The following RASA2 variants were observed in gnomAD, a reference collection of about 807,000 sequenced individuals.
The protein encoded by RASA2 is RAS p21 protein activator 2.
RASA2 carries 155 observed loss-of-function variants against 118.2 expected under a neutral mutation model. The ratio of observed to expected loss-of-function variants is 1.31; its 90% CI spans 1.15 to 1.50. The LOEUF is 1.50. RASA2 is among the 40% of genes most tolerant of loss of function. The probability of loss-of-function intolerance (pLI) is 0.00; values close to 1 mark genes in which losing one functional copy is unlikely to be tolerated. For synonymous variants in RASA2, 353 were observed against 349.1 expected (o/e 1.01, Z -0.12); for missense variants, 1,016 against 1,009.6 (o/e 1.01, Z -0.09).
chr3:141,555,717 C>A, intron 6 of RASA2, 123 bp from the exon 7 acceptor site: 1 of 733,026 alleles, frequency 1.4e-6, no homozygotes, highest in Non-Finnish European at 2.2e-6. Context: ...ATATTTAAAA[C>A]TGAATCTTCC....
intron 3 of RASA2, among the ~76,000 whole-genome samples, chr3:141,518,581 C>G (rs902668356): frequency 6.7e-6 from 1 of 148,680 alleles, no homozygotes; most frequent in African/African-American, 2.5e-5. Flanking sequence ...ATATTGAACT[C>G]CTTAACAAAT....
At chr3:141,577,472 T>C (rs1015560815) in intron 15 of RASA2, among the ~76,000 whole-genome samples, 5 of 152,186 alleles carry the variant, frequency 3.3e-5, no homozygotes, top group Non-Finnish European at 7.4e-5. Flanking sequence ...CAAAATCTAC[T>C]TTCCTGATTT....
intron 17 of RASA2, 75 bp from the exon 18 acceptor site, chr3:141,585,950 G>A: frequency 8.9e-7 from 1 of 1,127,654 alleles, no homozygotes; most frequent in Non-Finnish European, 1.3e-6. Flanking sequence ...TATAATTAAT[G>A]ACATGTAAGA....
intron 4 of RASA2, among the ~76,000 whole-genome samples, chr3:141,535,636 G>C (rs1223333376): frequency 1.3e-5 from 2 of 152,166 alleles, no homozygotes; most frequent in Non-Finnish European, 2.9e-5. Context: ...CTTCTGGTGA[G>C]TGCTTCAGGA....
At chr3:141,591,785 A>G (rs1365924199) in intron 19 of RASA2, among the ~76,000 whole-genome samples, 1 of 150,642 alleles carries the variant, frequency 6.6e-6, no homozygotes, top group East Asian at 1.9e-4. Context: ...TGGACATTGT[A>G]AAAGAAATGT....
chr3:141,545,387 C>T (rs150837644), intron 5 of RASA2, among the ~76,000 whole-genome samples: 2 of 151,228 alleles, frequency 1.3e-5, no homozygotes, highest in Non-Finnish European at 2.9e-5. Context: ...CCAATCATAA[C>T]AAACACCAAG....
At chr3:141,505,475 T>C (rs1441652527) in intron 1 of RASA2, among the ~76,000 whole-genome samples, 1 of 152,132 alleles carries the variant, frequency 6.6e-6, no homozygotes, top group Non-Finnish European at 1.5e-5. Context: ...GAAAAACAGG[T>C]AGGGCATTTC....
rs142634033 is a variant in RASA2 at position 141,610,040 on chromosome 3, A to G, written c.2493A>G (p.Arg831=). 5.7e-4 allele frequency: 917 copies of G among 1,597,026 alleles called. No homozygotes were observed. Among genetic ancestry groups the G allele is most frequent in the Non-Finnish European group, 7.5e-4 (874 of 1,173,104 alleles). The change falls in exon 23 of 24, where the codon AGA becomes AGG. Residue 831 remains arginine (R), a synonymous_variant. Coordinates refer to ENST00000286364, the MANE Select transcript of RASA2 (RefSeq NM_006506.5). ...CTCATGAAAAATATAGGAAGAAAAG[A>G]TCCAGTAGTGCAAAATATGGGAGCA... The part of the protein sequence containing the change: ...DEPHEKYRKK[R]SSSAKYGSKE...
At chr3:141,512,091 G>C (rs991231784) in intron 1 of RASA2, 72 bp from the exon 2 acceptor site, 2 of 921,192 alleles carry the variant, frequency 2.2e-6, no homozygotes, top group Non-Finnish European at 3.4e-6. Context: ...TCAGATTGAA[G>C]TCATCCTATA....
chr3:141,555,625 A>G (rs2082638033), intron 6 of RASA2, among the ~76,000 whole-genome samples: 1 of 151,632 alleles, frequency 6.6e-6, no homozygotes, highest in Non-Finnish European at 1.5e-5. Context: ...AGAGAATAAT[A>G]CAATCTTGGC....
intron 3 of RASA2, among the ~76,000 whole-genome samples, chr3:141,520,592 CAG>C (rs1362214047): frequency 2.0e-5 from 3 of 151,700 alleles, no homozygotes; most frequent in Non-Finnish European, 4.4e-5. Flanking sequence ...CTGCTAGAAA[CAG>C]AAGAATCTGC....
chr3:141,487,162 G>C lies in RASA2; in HGVS notation c.79G>C (p.Gly27Arg), dbSNP rs1328276299. The C allele has an allele frequency of 6.8e-7, 1 of 1,469,776 alleles. No homozygotes were observed. Among genetic ancestry groups the C allele is most frequent in the South Asian group, 1.3e-5 (1 of 76,824 alleles). The allele number at this position is 1,469,776 out of a possible 1,614,324, so 91.0% of individuals were successfully genotyped here. A position where few individuals can be genotyped will look rare whatever the true frequency, so the allele number is the denominator to read the frequency against. The change falls in exon 1 of 24, where the codon GGG (glycine) becomes CGG (arginine). Residue 27 changes from glycine to arginine, a missense_variant. Around this residue, in one of 2 missense-constraint regions of RASA2, gnomAD observed 896 missense variants for 836.4 expected, o/e 1.07. Coordinates refer to ENST00000286364, the MANE Select transcript of RASA2 (RefSeq NM_006506.5). ...GAGTGCGACTGCAGAGCCCGAGGCC[G>C]GGGACCAGGACAGTCGCGAGGTTCG... ...AASATAEPEA[G>R]DQDSREVRVL...
At chr3:141,562,663 A>G (rs546690083) in intron 9 of RASA2, among the ~76,000 whole-genome samples, 2 of 148,738 alleles carry the variant, frequency 1.3e-5, no homozygotes, top group African/African-American at 4.9e-5. Context: ...ACAAAAAAAA[A>G]CCAGAAATAA....
chr3:141,534,521 A>C (rs2082301421), intron 4 of RASA2, among the ~76,000 whole-genome samples: 1 of 152,164 alleles, frequency 6.6e-6, no homozygotes, highest in Non-Finnish European at 1.5e-5. Context: ...TTACTTAGTT[A>C]ATAGGTCTTT....
At chr3:141,577,957 G>A (rs941729147) in intron 15 of RASA2, among the ~76,000 whole-genome samples, 4 of 152,024 alleles carry the variant, frequency 2.6e-5, no homozygotes, top group African/African-American at 9.7e-5. Context: ...CTTATATGGT[G>A]TAATTTGGTT....
intron 19 of RASA2, among the ~76,000 whole-genome samples, chr3:141,589,042 A>G (rs1314553522): frequency 6.6e-6 from 1 of 152,048 alleles, no homozygotes; most frequent in Non-Finnish European, 1.5e-5. Context: ...GGGTTTCACC[A>G]TGTTGGCCAG....
chr3:141,601,765 T>C lies in RASA2; in HGVS notation c.1934-5913T>C, dbSNP rs76757958. Reference sequence around the variant, plus strand: ...CCAAATTTGGGACTTTTTTGACTTATTTCTTCAAATTTCTCCCCTTTTTCT... The same window carrying C: ...CCAAATTTGGGACTTTTTTGACTTACTTCTTCAAATTTCTCCCCTTTTTCT... On this transcript the variant is annotated intron_variant, in intron 19 of 23. Coordinates refer to ENST00000286364, the MANE Select transcript of RASA2 (RefSeq NM_006506.5). 6.8e-3 allele frequency among the ~76,000 whole-genome samples: 1,028 copies of C among 152,296 alleles called. 37 individuals are homozygous for C. Among genetic ancestry groups the C allele is most frequent in the Admixed American group, 0.057 (876 of 15,296 alleles).
Position 141,608,683 on chromosome 3 carries a change from CA to C in RASA2, c.2213del (p.Lys738SerfsTer13). 1 of 1,613,312 alleles carries C rather than the reference CA, an allele frequency of 6.2e-7. No individual in the cohort carries two copies. Among genetic ancestry groups the C allele is most frequent in the Non-Finnish European group, 8.5e-7 (1 of 1,179,348 alleles). On this transcript the variant is annotated frameshift_variant, in exon 21 of 24. Coordinates refer to ENST00000286364, the MANE Select transcript of RASA2 (RefSeq NM_006506.5). LOFTEE classifies it high-confidence loss of function. ...QETGENTLGC[K>X]PCTAGVPADI... is the part of the protein sequence containing the mutation. ...AGACTGGTGAAAACACTCTCGGCTG[CA>C]AGCCATGTACTGCGTAAGTTTCTTT...
intron 3 of RASA2, among the ~76,000 whole-genome samples, chr3:141,521,032 C>T (rs954337303): frequency 3.9e-5 from 6 of 152,198 alleles, no homozygotes; most frequent in African/African-American, 1.4e-4. Context: ...ACAGCAAGAA[C>T]ATTCACTTTT....
Sources: gnomAD v4.1 joint callset for allele counts (sites outside exome capture counted in the v4.1 genomes callset) on GRCh38, gnomAD v4.1.1 for gene constraint, gnomAD v4.1.1 regional missense constraint, MANE v1.5 for transcripts, NCBI Gene and HGNC (gene_info 2026-07-23, HGNC 2026-07-21) for gene names.